Variants in FAM167A observed in about 807,000 individuals in gnomAD.
FAM167A encodes the protein protein FAM167A.
Under a neutral mutation model 14.9 loss-of-function variants are expected in FAM167A, and 23 were observed. That is an observed-to-expected ratio of 1.55 (90% CI 1.11 to 2.19). The LOEUF (loss-of-function observed/expected upper bound fraction) is 2.19, where lower values mean the gene tolerates loss of function less well. FAM167A is among the 30% of genes most tolerant of loss of function. FAM167A has a pLI of 0.00. For missense variants in FAM167A, 401 were observed against 281.5 expected (o/e 1.42, Z -3.04); for synonymous variants, 174 against 117.7 (o/e 1.48, Z -3.10).
At chr8:11,463,927 G>T (rs1275747627) in intron 1 of FAM167A, among the ~76,000 whole-genome samples, 1 of 152,190 alleles carries the variant, frequency 6.6e-6, no homozygotes, top group Non-Finnish European at 1.5e-5. Flanking sequence ...AACTTGGGGG[G>T]AGCTACTATG....
At chr8:11,424,748 C>T (rs1805016781) in intron 2 of FAM167A, 112 bp from the exon 3 acceptor site, 2 of 1,425,372 alleles carry the variant, frequency 1.4e-6, no homozygotes, top group African/African-American at 1.4e-5. Context: ...AGTGGTCCAT[C>T]TAGAAATATT....
At chr8:11,428,400 C>T (rs1805333687) in intron 2 of FAM167A, among the ~76,000 whole-genome samples, 1 of 152,222 alleles carries the variant, frequency 6.6e-6, no homozygotes, top group African/African-American at 2.4e-5. Flanking sequence ...TGGACAAAGG[C>T]CGCCTGGATG....
intron 2 of FAM167A, among the ~76,000 whole-genome samples, chr8:11,441,622 A>C (rs943335233): frequency 6.6e-6 from 1 of 152,024 alleles, no homozygotes; most frequent in Non-Finnish European, 1.5e-5. Context: ...CTCTCTCCCC[A>C]TAGCTCTCTA....
At chr8:11,473,839 T>G (rs1797788183) in intron 1 of FAM167A, among the ~76,000 whole-genome samples, 1 of 152,030 alleles carries the variant, frequency 6.6e-6, no homozygotes, top group Non-Finnish European at 1.5e-5. Context: ...GAATGGTGGT[T>G]TTTTTGTTTG....
chr8:11,453,072 C>T (rs1000627947), intron 1 of FAM167A, among the ~76,000 whole-genome samples: 4 of 152,212 alleles, frequency 2.6e-5, no homozygotes, highest in African/African-American at 9.7e-5. Flanking sequence ...GACGCTGTCC[C>T]CTTCTCCACA....
At chr8:11,441,207 C>T (rs1011308077) in intron 2 of FAM167A, among the ~76,000 whole-genome samples, 7 of 152,166 alleles carry the variant, frequency 4.6e-5, no homozygotes, top group African/African-American at 1.7e-4. Context: ...GAGCCCCAAG[C>T]CACATGGGCA....
intron 2 of FAM167A, among the ~76,000 whole-genome samples, chr8:11,441,231 CAG>C (rs1806416187): frequency 6.6e-6 from 1 of 152,208 alleles, no homozygotes; most frequent in African/African-American, 2.4e-5. Context: ...ATGACAGACA[CAG>C]GGCTCAGAGC....
chr8:11,440,385 A>T (rs1806364294), intron 2 of FAM167A, among the ~76,000 whole-genome samples: 1 of 152,238 alleles, frequency 6.6e-6, no homozygotes, highest in Admixed American at 6.5e-5. Context: ...GGGGGGCGTC[A>T]GGAGTGACAG....
intron 1 of FAM167A, among the ~76,000 whole-genome samples, chr8:11,462,306 C>A (rs1424968072): frequency 6.6e-6 from 1 of 152,320 alleles, no homozygotes; most frequent in East Asian, 1.9e-4. Flanking sequence ...AGTTCTATGA[C>A]CTTGATCAAC....
At chr8:11,436,712 G>A (rs189585469) in intron 2 of FAM167A, among the ~76,000 whole-genome samples, 238 of 152,306 alleles carry the variant, frequency 1.6e-3, no homozygotes, top group Non-Finnish European at 2.2e-3. Context: ...AGTGCCCTGG[G>A]GTCACCTGAG....
chr8:11,444,993 G>T, intron 1 of FAM167A, 185 bp from the exon 2 acceptor site: 1 of 612,784 alleles, frequency 1.6e-6, no homozygotes, highest in Non-Finnish European at 2.0e-6. Context: ...AAGTTAATGA[G>T]CAATTGAAAA....
At chr8:11,459,531 C>T (rs979986437) in intron 1 of FAM167A, among the ~76,000 whole-genome samples, 1 of 152,202 alleles carries the variant, frequency 6.6e-6, no homozygotes. Flanking sequence ...GTGCCAAGCA[C>T]GTGGGTGCTG....
At position 11,444,306 on chromosome 8, in the gene FAM167A, T is replaced by A; in HGVS notation, c.106A>T (p.Lys36Ter). 2 of 1,612,222 alleles carry A rather than the reference T, an allele frequency of 1.2e-6. No individual in the cohort carries two copies. Among genetic ancestry groups the A allele is most frequent in the Non-Finnish European group, 8.5e-7 (1 of 1,179,766 alleles). ...HLRSLKALTE[K>*]LRLETRRPSY... ...GGCCTGCGGGTCTCCAGCCTCAGTT[T>A]CTCGGTGAGGGCCTTCAGGCTCCGG... Residue 36 changes from lysine (K) to a stop codon, truncating the protein, a stop_gained, in exon 2 of 3, where the codon AAA becomes TAA. Coordinates refer to ENST00000284486, the MANE Select transcript of FAM167A (RefSeq NM_053279.3). LOFTEE classifies it high-confidence loss of function.
upstream of FAM167A, among the ~76,000 whole-genome samples, chr8:11,466,920 C>G (rs1265325079): frequency 6.6e-6 from 1 of 152,240 alleles, no homozygotes; most frequent in East Asian, 1.9e-4. Flanking sequence ...TGTCGGTTCA[C>G]CGGCCCGGGC....
At chr8:11,452,113 G>A (rs1007625635) in intron 1 of FAM167A, among the ~76,000 whole-genome samples, 1 of 152,186 alleles carries the variant, frequency 6.6e-6, no homozygotes, top group Non-Finnish European at 1.5e-5. Flanking sequence ...GGGAGGGGGT[G>A]CTGTGCGACC....
chr8:11,433,039 G>C (rs1805722809), intron 2 of FAM167A, among the ~76,000 whole-genome samples: 1 of 152,022 alleles, frequency 6.6e-6, no homozygotes, highest in Non-Finnish European at 1.5e-5. Context: ...ACAGGGAGGG[G>C]AACATCACAT....
intron 2 of FAM167A, among the ~76,000 whole-genome samples, chr8:11,426,208 C>A (rs1026870134): frequency 1.3e-5 from 2 of 152,188 alleles, no homozygotes; most frequent in South Asian, 2.1e-4. Context: ...TAAGCACCCC[C>A]ACCCTCCAAG....
intron 2 of FAM167A, chr8:11,435,204 CCTGTGGTCCCTTCT>C (rs2117038936): frequency 4.5e-6 from 2 of 444,236 alleles, no homozygotes; most frequent in African/African-American, 2.0e-5. Flanking sequence ...TGTCCCCTCC[CCTGTGGTCCCTTCT>C]CCACCTGTCA....
intron 2 of FAM167A, among the ~76,000 whole-genome samples, chr8:11,426,569 G>A (rs370106168): frequency 2.0e-5 from 3 of 152,286 alleles, no homozygotes; most frequent in East Asian, 3.9e-4. Flanking sequence ...TTATTTTGCC[G>A]ACGTTAAGGA....
Sources: gnomAD v4.1 joint callset for allele counts (sites outside exome capture counted in the v4.1 genomes callset) on GRCh38, gnomAD v4.1.1 for gene constraint, MANE v1.5 for transcripts, NCBI Gene and HGNC (gene_info 2026-07-23, HGNC 2026-07-21) for gene names.